PAPPA: variants seen among roughly 807,000 people sequenced by gnomAD.
The protein encoded by PAPPA is pappalysin-1.
PAPPA carries 60 observed loss-of-function variants against 164.0 expected under a neutral mutation model. The observed-to-expected ratio is 0.37, with a 90% CI of 0.30 to 0.45. The LOEUF is 0.45. Among genes scored for constraint, PAPPA ranks in the 20% least tolerant of loss-of-function variants. The probability of loss-of-function intolerance (pLI) is 1.00; values close to 1 mark genes in which losing one functional copy is unlikely to be tolerated. For synonymous variants in PAPPA, 875 were observed against 814.1 expected (o/e 1.07, Z -1.27); for missense variants, 1,782 against 2,087.3 (o/e 0.85, Z 2.85).
Position 116,154,673 on chromosome 9 carries a change from C to A in PAPPA, c.415+86C>A. The A allele has an allele frequency of 4.0e-6, 5 of 1,237,258 alleles. No individual in the cohort carries two copies. Among genetic ancestry groups the A allele is most frequent in the South Asian group, 3.3e-5 (1 of 30,644 alleles). The allele number at this position is 1,237,258 out of a possible 1,614,324, so 76.6% of individuals were successfully genotyped here. ...GTCTGGGCGCGGGTGGCGGGCGGGT[C>A]GGGGGCTTGCGGGCGTGTCTGTGCG... On this transcript the variant is annotated intron_variant, in intron 1 of 21. Coordinates refer to ENST00000328252, the MANE Select transcript of PAPPA (RefSeq NM_002581.5). This position sits in a 1 kb window ranked among gnomAD's most constrained non-coding sequence, Gnocchi z 5.2.
At chr9:116,363,140 C>T (rs909629498) in intron 18 of PAPPA, among the ~76,000 whole-genome samples, 4 of 152,236 alleles carry the variant, frequency 2.6e-5, no homozygotes, top group Admixed American at 2.6e-4. Flanking sequence ...CAATAGCAGT[C>T]TGGTGCAGCT....
rs559671141 is a variant in PAPPA, at chr9:116,210,066, G to A, written c.1625-1573G>A. Among the ~76,000 whole-genome samples, 4 of 152,122 alleles carry A rather than the reference G, an allele frequency of 2.6e-5. No individual in the cohort carries two copies. In the South Asian group the frequency reaches 6.2e-4, roughly 24 times the overall value. On this transcript the variant is annotated intron_variant, in intron 3 of 21. Transcript: ENST00000328252. Reference sequence around the variant, plus strand: ...ACCATGATCCCTGGAAAAAGCCTTGGGTGGGAAGCGGATTATGTTTCATGT... The same window carrying A: ...ACCATGATCCCTGGAAAAAGCCTTGAGTGGGAAGCGGATTATGTTTCATGT...
intron 5 of PAPPA, among the ~76,000 whole-genome samples, chr9:116,220,330 T>G (rs1844428859): frequency 6.6e-6 from 1 of 152,012 alleles, no homozygotes; most frequent in African/African-American, 2.4e-5. Context: ...TAAATAACAA[T>G]AAATATTTTT....
intron 9 of PAPPA, among the ~76,000 whole-genome samples, chr9:116,298,134 G>A (rs1374134118): frequency 3.3e-5 from 5 of 152,174 alleles, no homozygotes; most frequent in Admixed American, 2.0e-4. Flanking sequence ...GCTTTCAAAT[G>A]GGAATAACGA....
In PAPPA at chr9:116,198,208, T is replaced by A. The variant is rs79595205; in HGVS notation, c.1479-9248T>A. On this transcript the variant is annotated intron_variant, in intron 2 of 21. Transcript: ENST00000328252. ...GAACGGTAGAGTTCAGTTGCAAGAATGATTGTCTGACATGAGATAATTGTA... is the reference window on the plus strand; with the variant it reads ...GAACGGTAGAGTTCAGTTGCAAGAAAGATTGTCTGACATGAGATAATTGTA... Among the ~76,000 whole-genome samples, 960 of 152,342 alleles carry A rather than the reference T, an allele frequency of 6.3e-3. 12 individuals carry two copies. The highest frequency in any genetic ancestry group is 0.022 in the African/African-American group (924 of 41,584).
In PAPPA at chr9:116,165,278, C is replaced by A. The variant is rs73654622; in HGVS notation, c.415+10691C>A. Reference sequence around the variant, plus strand: ...ATGGTAGTTATTTGTCCAGACTCCACTGGGCTCCAGACTCACAGATCCACC... The same window carrying A: ...ATGGTAGTTATTTGTCCAGACTCCAATGGGCTCCAGACTCACAGATCCACC... On this transcript the variant is annotated intron_variant, in intron 1 of 21. Coordinates refer to ENST00000328252, the MANE Select transcript of PAPPA (RefSeq NM_002581.5). Among the ~76,000 whole-genome samples, 587 of 152,298 alleles carry A rather than the reference C, an allele frequency of 3.9e-3. 6 individuals carry two copies. The highest frequency in any genetic ancestry group is 0.013 in the African/African-American group (520 of 41,576).
intron 6 of PAPPA, among the ~76,000 whole-genome samples, chr9:116,227,766 A>G (rs1844532988): frequency 6.6e-6 from 1 of 152,204 alleles, no homozygotes; most frequent in South Asian, 2.1e-4. Context: ...TCATATTACA[A>G]ATGAGGAAAC....
chr9:116,320,184 C>T (rs968021396), intron 10 of PAPPA, among the ~76,000 whole-genome samples: 1 of 152,226 alleles, frequency 6.6e-6, no homozygotes, highest in African/African-American at 2.4e-5. Context: ...GAAAGCCTGG[C>T]TTTTCCTCCA....
At position 116,347,074 on chromosome 9, in the gene PAPPA, C is replaced by A; in HGVS notation, c.3829C>A (p.Gln1277Lys). The change falls in exon 15 of 22, where the codon CAG (glutamine) becomes AAG (lysine). Residue 1277 changes from glutamine (Q) to lysine (K), a missense_variant. Around this residue, in one of 2 missense-constraint regions of PAPPA, gnomAD observed 1,324 missense variants for 1,656.9 expected, o/e 0.80. Transcript: ENST00000328252. This position sits in a 1 kb window ranked among gnomAD's most constrained non-coding sequence, Gnocchi z 4.5. ...VTCTEGKWNK[Q>K]VACEPVDCSI... is the part of the protein sequence containing the mutation. ...CTGTACAGAGGGCAAGTGGAATAAG[C>A]AGGTGGCCTGTGAGCCAGTCGACTG... 6.2e-7 allele frequency: 1 copy of A among 1,614,098 alleles called. No individual in the cohort carries two copies. The highest frequency in any genetic ancestry group is 1.1e-5 in the South Asian group (1 of 91,064).
intron 19 of PAPPA, among the ~76,000 whole-genome samples, chr9:116,369,239 CATTCCTGAACCAGA>C (rs531022670): frequency 2.7e-4 from 41 of 152,242 alleles, no homozygotes; most frequent in African/African-American, 9.9e-4. Context: ...TTTCCTCCAC[CATTCCTGAACCAGA>C]ATTCCTGCAC....
At chr9:116,222,879 G>A (rs749402873) in intron 5 of PAPPA, among the ~76,000 whole-genome samples, 1 of 152,018 alleles carries the variant, frequency 6.6e-6, no homozygotes, top group Non-Finnish European at 1.5e-5. Context: ...GAGAGATGAT[G>A]GATTTGTTAA....
intron 5 of PAPPA, among the ~76,000 whole-genome samples, chr9:116,220,508 T>G (rs556583915): frequency 1.4e-5 from 2 of 147,620 alleles, no homozygotes; most frequent in Non-Finnish European, 3.0e-5. Flanking sequence ...ATATTAATTA[T>G]ATTGTATCAT....
At chr9:116,243,880 G>A (rs1844765201) in intron 7 of PAPPA, among the ~76,000 whole-genome samples, 1 of 152,088 alleles carries the variant, frequency 6.6e-6, no homozygotes, top group African/African-American at 2.4e-5. Context: ...CGCCTGCCCA[G>A]CATGGTTTTG....
rs201177552 is a variant in PAPPA at position 116,227,372 on chromosome 9, A to T, written c.2112-59A>T. ...CCATTGACTCTGGCCTAGTCCCATC[A>T]GTTGCTCATTCAACTGTTCCTAAGT... On this transcript the variant is annotated intron_variant, in intron 5 of 21. Transcript: ENST00000328252. 4.9e-4 allele frequency: 783 copies of T among 1,594,788 alleles called. 9 individuals are homozygous for T. The highest frequency in any genetic ancestry group is 9.9e-5 in the Non-Finnish European group (115 of 1,164,744).
chr9:116,351,932 T>C (rs571292381), intron 15 of PAPPA, among the ~76,000 whole-genome samples: 6 of 152,302 alleles, frequency 3.9e-5, no homozygotes, highest in African/African-American at 1.4e-4. Context: ...AAGTTTCAGG[T>C]CCTCCTCTAG....
chr9:116,370,063 T>C (rs910982954), intron 19 of PAPPA, among the ~76,000 whole-genome samples: 9 of 152,152 alleles, frequency 5.9e-5, no homozygotes, highest in Middle Eastern at 3.2e-3. Context: ...GAGGAGGCCC[T>C]GGATAGCTCC....
At chr9:116,205,622 C>T (rs531824475) in intron 2 of PAPPA, among the ~76,000 whole-genome samples, 1 of 152,190 alleles carries the variant, frequency 6.6e-6, no homozygotes, top group African/African-American at 2.4e-5. Flanking sequence ...TTGTACTTGG[C>T]CTTGTCTCCA....
At position 116,321,474 on chromosome 9, in the gene PAPPA, A is replaced by G. The variant is rs117542379; in HGVS notation, c.3148-9770A>G. On this transcript the variant is annotated intron_variant, in intron 10 of 21. Transcript: ENST00000328252. The stretch of plus-strand genomic sequence containing the variant: ...TCATCTTCTAGGCCAGTTCTGAGCA[A>G]TTAGAGTGACTCCCCATAGTGTTTT... Among the ~76,000 whole-genome samples, 1,481 of 152,306 alleles carry G rather than the reference A, an allele frequency of 9.7e-3. 18 individuals carry two copies. The highest frequency in any genetic ancestry group is 0.042 in the South Asian group (202 of 4,808).
chr9:116,387,326 T>C (rs74677216), intron 21 of PAPPA, among the ~76,000 whole-genome samples: 512 of 152,348 alleles, frequency 3.4e-3, no homozygotes, highest in Admixed American at 5.4e-3. Flanking sequence ...CTAAGAGTTA[T>C]TGCTTTGCTT....
Sources: allele counts gnomAD v4.1 joint callset (sites outside exome capture counted in the v4.1 genomes callset), GRCh38; gene constraint gnomAD v4.1.1; regional missense constraint gnomAD v4.1.1; non-coding constraint Gnocchi (gnomAD v3.1); transcripts MANE v1.5; gene names NCBI Gene and HGNC (gene_info 2026-07-23, HGNC 2026-07-21).